Variants in CTNNA2 observed in about 807,000 individuals in gnomAD.
CTNNA2 encodes the protein catenin alpha 2.
Under a neutral mutation model 101.0 loss-of-function variants are expected in CTNNA2, and 42 were observed. The observed-to-expected ratio is 0.42, with a 90% CI of 0.32 to 0.54. The LOEUF (loss-of-function observed/expected upper bound fraction) is 0.54. Among genes scored for constraint, CTNNA2 ranks in the 20% least tolerant of loss-of-function variants. The pLI is 0.14. For synonymous variants in CTNNA2, 450 were observed against 456.4 expected (o/e 0.99, Z 0.18); for missense variants, 871 against 1,223.1 (o/e 0.71, Z 4.29).
intron 7 of CTNNA2, among the ~76,000 whole-genome samples, chr2:80,072,726 G>A (rs528289372): frequency 2.6e-5 from 4 of 152,194 alleles, no homozygotes; most frequent in African/African-American, 7.2e-5. Flanking sequence ...TGTGGGCAAT[G>A]CAAAAAGGGA....
At chr2:79,819,410 C>T (rs1029843071) in intron 3 of CTNNA2, among the ~76,000 whole-genome samples, 9 of 152,290 alleles carry the variant, frequency 5.9e-5, no homozygotes, top group African/African-American at 2.2e-4. Flanking sequence ...CTCTTTGATA[C>T]AATTTTAGAA....
At chr2:80,594,198 A>C (rs954251501) in intron 15 of CTNNA2, among the ~76,000 whole-genome samples, 1 of 152,056 alleles carries the variant, frequency 6.6e-6, no homozygotes, top group East Asian at 1.9e-4. Flanking sequence ...ATGGATGTGA[A>C]GTGGTGTCTC....
intron 2 of CTNNA2, among the ~76,000 whole-genome samples, chr2:79,251,822 A>G (rs1674775550): frequency 6.6e-6 from 1 of 152,142 alleles, no homozygotes; most frequent in Non-Finnish European, 1.5e-5. Flanking sequence ...CTAAGCCATG[A>G]CCTGCTTTCT....
intron 2 of CTNNA2, among the ~76,000 whole-genome samples, chr2:79,725,295 C>A (rs1366041925): frequency 2.6e-5 from 4 of 152,150 alleles, no homozygotes; most frequent in African/African-American, 9.7e-5. Context: ...GGCTACAAAC[C>A]CTGGCTGCGC....
intron 2 of CTNNA2, among the ~76,000 whole-genome samples, chr2:79,203,742 C>G (rs1353768461): frequency 6.6e-6 from 1 of 152,252 alleles, no homozygotes; most frequent in Non-Finnish European, 1.5e-5. Context: ...GCATTAACCA[C>G]TGCTCTTAAA....
intron 7 of CTNNA2, among the ~76,000 whole-genome samples, chr2:80,219,381 T>A (rs1448720318): frequency 6.6e-6 from 1 of 152,254 alleles, no homozygotes; most frequent in Admixed American, 6.5e-5. Flanking sequence ...ATTATCTTAA[T>A]ACACAATGTT....
chr2:80,526,411 G>C lies in CTNNA2; in HGVS notation c.1291-18571G>C, dbSNP rs193032744. On this transcript the variant is annotated intron_variant, in intron 9 of 18. Transcript: ENST00000402739. ...GATGGAGTTTCGCCATGTTGGCCAG[G>C]CTGGTCTCGAACTCCTGACCTTGTG... Among the ~76,000 whole-genome samples, 40 of 152,272 alleles carry C rather than the reference G, an allele frequency of 2.6e-4. 1 individual carries two copies. Among genetic ancestry groups the C allele is most frequent in the Non-Finnish European group, 8.8e-5 (6 of 68,030 alleles).
intron 3 of CTNNA2, among the ~76,000 whole-genome samples, chr2:79,371,604 G>C (rs940127571): frequency 1.3e-5 from 2 of 152,066 alleles, no homozygotes; most frequent in African/African-American, 4.8e-5. Flanking sequence ...GCCTGAGAAA[G>C]GTTAGGGTAG....
intron 2 of CTNNA2, among the ~76,000 whole-genome samples, chr2:79,292,748 T>C (rs1420068492): frequency 6.6e-6 from 1 of 152,218 alleles, no homozygotes; most frequent in Non-Finnish European, 1.5e-5. Flanking sequence ...ACTGAGCTGT[T>C]ATTTCCTGAG....
At chr2:80,499,926 G>A (rs1182756802) in intron 9 of CTNNA2, among the ~76,000 whole-genome samples, 4 of 143,444 alleles carry the variant, frequency 2.8e-5, no homozygotes, top group African/African-American at 5.2e-5. Context: ...TGTTTGAAAC[G>A]TTCTACAAAA....
chr2:79,655,442 A>G (rs1456869000), intron 2 of CTNNA2, among the ~76,000 whole-genome samples: 1 of 152,172 alleles, frequency 6.6e-6, no homozygotes, highest in Admixed American at 6.5e-5. Flanking sequence ...ACAATATTAC[A>G]CTTATAGAGC....
At chr2:80,614,456 A>G (rs186552662) in intron 17 of CTNNA2, among the ~76,000 whole-genome samples, 5 of 151,386 alleles carry the variant, frequency 3.3e-5, no homozygotes, top group South Asian at 4.1e-4. Flanking sequence ...ATGCCATTTT[A>G]TATCAGAGAC....
intron 7 of CTNNA2, among the ~76,000 whole-genome samples, chr2:79,965,745 C>T (rs550966711): frequency 9.8e-5 from 14 of 142,440 alleles, no homozygotes; most frequent in South Asian, 4.4e-4. Context: ...AATCACTTGA[C>T]GCTAGGAGGC....
chr2:79,967,263 A>G (rs1441917097), intron 7 of CTNNA2, among the ~76,000 whole-genome samples: 1 of 151,746 alleles, frequency 6.6e-6, no homozygotes, highest in Non-Finnish European at 1.5e-5. Context: ...TCCTACCCCA[A>G]CCATCCTCAT....
chr2:79,918,002 C>A (rs543328760), intron 7 of CTNNA2, among the ~76,000 whole-genome samples: 1 of 152,210 alleles, frequency 6.6e-6, no homozygotes, highest in South Asian at 2.1e-4. Flanking sequence ...CCTTAATGTG[C>A]CCAAGGTATG....
chr2:79,373,069 T>C (rs958277789), intron 3 of CTNNA2, among the ~76,000 whole-genome samples: 45 of 152,222 alleles, frequency 3.0e-4, no homozygotes, highest in African/African-American at 1.0e-3. Context: ...TGTATAGCAA[T>C]ATGAAAATTT....
intron 7 of CTNNA2, among the ~76,000 whole-genome samples, chr2:80,020,991 AT>A (rs1694517052): frequency 4.2e-5 from 5 of 119,466 alleles, no homozygotes; most frequent in African/African-American, 1.9e-4. Context: ...ATGACCAATC[AT>A]CTTTTTTTTT....
intron 7 of CTNNA2, among the ~76,000 whole-genome samples, chr2:80,333,100 G>T (rs1344614471): frequency 6.6e-6 from 1 of 152,132 alleles, no homozygotes; most frequent in Non-Finnish European, 1.5e-5. Context: ...AACAGAGACT[G>T]CAGAGCCTAA....
At chr2:80,072,724 A>G (rs892683126) in intron 7 of CTNNA2, among the ~76,000 whole-genome samples, 1 of 152,146 alleles carries the variant, frequency 6.6e-6, no homozygotes, top group Admixed American at 6.5e-5. Flanking sequence ...ATTGTGGGCA[A>G]TGCAAAAAGG....
Sources: allele counts gnomAD v4.1 joint callset (sites outside exome capture counted in the v4.1 genomes callset), GRCh38; gene constraint gnomAD v4.1.1; transcripts MANE v1.5; gene names NCBI Gene and HGNC (gene_info 2026-07-23, HGNC 2026-07-21).